Variants in KIRREL3 observed in about 807,000 individuals in gnomAD.
The protein encoded by KIRREL3 is kin of IRRE-like protein 3.
KIRREL3 carries 36 observed loss-of-function variants against 89.7 expected under a neutral mutation model. That is an observed-to-expected ratio of 0.40 (90% CI 0.31 to 0.53). KIRREL3 has a LOEUF of 0.53. KIRREL3 is among the 20% of genes least tolerant of loss of function. The pLI is 0.49. For missense variants in KIRREL3, 864 were observed against 1,056.6 expected, an observed-to-expected ratio of 0.82 and a Z score of 2.53; for synonymous variants, 445 against 441.4, an observed-to-expected ratio of 1.01 and a Z score of -0.10.
chr11:126,921,832 TCTATTATC>T (rs1240410736), intron 1 of KIRREL3, among the ~76,000 whole-genome samples: 2 of 150,388 alleles, frequency 1.3e-5, no homozygotes, highest in Non-Finnish European at 3.0e-5. Flanking sequence ...TGCCTTCCTA[TCTATTATC>T]TATCTATCAT....
In KIRREL3 at chr11:126,535,710, C is replaced by A. The variant is rs1397044418; in HGVS notation, c.134-9023G>T. 6.6e-6 allele frequency among the ~76,000 whole-genome samples: 1 copy of A among 152,198 alleles called. No individual in the cohort carries two copies. Among genetic ancestry groups the A allele is most frequent in the East Asian group, 1.9e-4 (1 of 5,188 alleles). ...CTTAAGATTTTGGTTGAGGGCTGGG[C>A]CCGGTGGCTCACGCCTGTAATCCCA... is the stretch of plus-strand genomic sequence containing the variant. On this transcript the variant is annotated intron_variant, in intron 2 of 16. Coordinates refer to ENST00000525144, the MANE Select transcript of KIRREL3 (RefSeq NM_032531.4). The surrounding 1 kb of genome is among the most constrained non-coding windows in gnomAD (Gnocchi z 4.5).
At position 126,904,152 on chromosome 11, in the gene KIRREL3, G is replaced by A. The variant is rs896210656; in HGVS notation, c.55+96303C>T. On this transcript the variant is annotated intron_variant, in intron 1 of 16. Coordinates refer to ENST00000525144, the MANE Select transcript of KIRREL3 (RefSeq NM_032531.4). The surrounding 1 kb of genome is among the most constrained non-coding windows in gnomAD (Gnocchi z 4.4). ...TAGAAAAAACTGCCTCACTCTAAGA[G>A]AACCATACCCTTTGAAGCCTCTTTT... Among the ~76,000 whole-genome samples, 2 of 152,192 alleles carry A rather than the reference G, an allele frequency of 1.3e-5. No homozygotes were observed. Among genetic ancestry groups the A allele is most frequent in the Non-Finnish European group, 2.9e-5 (2 of 68,044 alleles).
At chr11:126,819,807 G>A (rs1401669094) in intron 1 of KIRREL3, among the ~76,000 whole-genome samples, 1 of 152,208 alleles carries the variant, frequency 6.6e-6, no homozygotes, top group Admixed American at 6.5e-5. Context: ...TTATCTGTAA[G>A]ACAGTGGCTC....
rs917876093 is a variant in KIRREL3, at chr11:126,477,617, T to G, written c.434-4151A>C. 6.6e-6 allele frequency among the ~76,000 whole-genome samples: 1 copy of G among 152,172 alleles called. No homozygotes were observed. The highest frequency in any genetic ancestry group is 2.4e-5 in the African/African-American group (1 of 41,436). On this transcript the variant is annotated intron_variant, in intron 4 of 16. Transcript: ENST00000525144. This position sits in a 1 kb window ranked among gnomAD's most constrained non-coding sequence, Gnocchi z 4.8. ...TCTCTAACCTCTATACTCCCCTTTT[T>G]TTAGAGACAGTTTGCCAGGTTGGCC...
rs1734540966 is a variant in KIRREL3 at position 126,462,172 on chromosome 11, G to A, written c.742+985C>T. On this transcript the variant is annotated intron_variant, in intron 6 of 16. Transcript: ENST00000525144. The surrounding 1 kb of genome is among the most constrained non-coding windows in gnomAD (Gnocchi z 4.8). ...TGGGATGCGATGCTGGTGGAGCCCT[G>A]AAGCATCATAACTGTCAACATGAAT... Among the ~76,000 whole-genome samples the A allele has an allele frequency of 6.6e-6, 1 of 152,136 alleles. No individual in the cohort carries two copies. Among genetic ancestry groups the A allele is most frequent in the African/African-American group, 2.4e-5 (1 of 41,418 alleles).
intron 1 of KIRREL3, among the ~76,000 whole-genome samples, chr11:126,885,343 C>A (rs982585465): frequency 6.6e-6 from 1 of 152,046 alleles, no homozygotes; most frequent in African/African-American, 2.4e-5. Context: ...TTCATGAACA[C>A]CCCAGAGAAA....
chr11:126,615,462 C>T lies in KIRREL3; in HGVS notation c.56-52550G>A, dbSNP rs1269321856. Among the ~76,000 whole-genome samples, 1 of 152,122 alleles carries T rather than the reference C, an allele frequency of 6.6e-6. No individual in the cohort carries two copies. The highest frequency in any genetic ancestry group is 2.4e-5 in the African/African-American group (1 of 41,428). ...GAGCTTTGGGAGGTTAAGGAATGGG[C>T]AAAATCACAGCCAGTAGGTAGCAGA... On this transcript the variant is annotated intron_variant, in intron 1 of 16. Coordinates refer to ENST00000525144, the MANE Select transcript of KIRREL3 (RefSeq NM_032531.4). This position sits in a 1 kb window ranked among gnomAD's most constrained non-coding sequence, Gnocchi z 5.4.
chr11:126,450,618 CGAGCATGTGCATGTGG>C (rs1338046404), intron 7 of KIRREL3, among the ~76,000 whole-genome samples: 3 of 132,418 alleles, frequency 2.3e-5, no homozygotes, highest in African/African-American at 2.9e-5. Context: ...TCGGCGTGTG[CGAGCATGTGCATGTGG>C]GAGCATGTGC....
At chr11:126,784,897 T>C (rs1950438787) in intron 1 of KIRREL3, among the ~76,000 whole-genome samples, 1 of 152,220 alleles carries the variant, frequency 6.6e-6, no homozygotes, top group East Asian at 1.9e-4. Context: ...CCTATGACTG[T>C]CAAGGAGAAA....
intron 7 of KIRREL3, among the ~76,000 whole-genome samples, chr11:126,450,325 A>T (rs1955993035): frequency 7.3e-6 from 1 of 136,410 alleles, no homozygotes; most frequent in Admixed American, 7.2e-5. Context: ...GCACGTGTGC[A>T]TGTGTGAGCG....
chr11:126,588,279 A>G (rs1193753093), intron 1 of KIRREL3, among the ~76,000 whole-genome samples: 3 of 152,192 alleles, frequency 2.0e-5, no homozygotes, highest in Non-Finnish European at 4.4e-5. Flanking sequence ...TTTGATACTC[A>G]GCTTCTCTGA....
rs913441937 is a variant in KIRREL3, at chr11:126,498,196, C to T, written c.433+23119G>A. Among the ~76,000 whole-genome samples the T allele has an allele frequency of 2.0e-5, 3 of 152,130 alleles. No homozygotes were observed. Among genetic ancestry groups the T allele is most frequent in the Non-Finnish European group, 2.9e-5 (2 of 68,016 alleles). On this transcript the variant is annotated intron_variant, in intron 4 of 16. Transcript: ENST00000525144. This position sits in a 1 kb window ranked among gnomAD's most constrained non-coding sequence, Gnocchi z 4.3. ...GGGTGGCCATCAAACCCCTAAAACC[C>T]GAGGAGGGGAAGAGAGGGGTAGCAC...
At chr11:126,706,819 A>T (rs1591993178) in intron 1 of KIRREL3, among the ~76,000 whole-genome samples, 1 of 152,172 alleles carries the variant, frequency 6.6e-6, no homozygotes, top group East Asian at 1.9e-4. Flanking sequence ...TTTTTTCTGT[A>T]TTGAATTTTA....
At position 126,843,432 on chromosome 11, in the gene KIRREL3, T is replaced by C. The variant is rs138422210; in HGVS notation, c.55+157023A>G. On this transcript the variant is annotated intron_variant, in intron 1 of 16. Transcript: ENST00000525144. The surrounding 1 kb of genome is among the most constrained non-coding windows in gnomAD (Gnocchi z 4.6). ...GTGAGCTCACTCACTCTGCCGTATA[T>C]CCTACTGGGGAGAAACTCCATTCCC... is the stretch of plus-strand genomic sequence containing the variant. Among the ~76,000 whole-genome samples, 2 of 152,196 alleles carry C rather than the reference T, an allele frequency of 1.3e-5. No homozygotes were observed. Among genetic ancestry groups the C allele is most frequent in the Admixed American group, 6.5e-5 (1 of 15,296 alleles).
Position 126,497,606 on chromosome 11 carries a change from C to T in KIRREL3, c.433+23709G>A, listed in dbSNP as rs542596983. Reference sequence around the variant, plus strand: ...AGGGAACTCTCTCTGGATGGAGATGCTCAAGCTCAGAGAAGTGAGCAAACT... The same window carrying T: ...AGGGAACTCTCTCTGGATGGAGATGTTCAAGCTCAGAGAAGTGAGCAAACT... On this transcript the variant is annotated intron_variant, in intron 4 of 16. Transcript: ENST00000525144. Among the ~76,000 whole-genome samples, 6 of 152,362 alleles carry T rather than the reference C, an allele frequency of 3.9e-5. No individual in the cohort carries two copies. The South Asian group carries it at 8.3e-4, about 21-fold the overall frequency.
At chr11:126,461,607 G>A (rs572789447) in intron 6 of KIRREL3, among the ~76,000 whole-genome samples, 1 of 152,130 alleles carries the variant, frequency 6.6e-6, no homozygotes, top group African/African-American at 2.4e-5. Context: ...TTTGTGTGTG[G>A]GTATCTTGAG....
chr11:126,531,498 G>T lies in KIRREL3; in HGVS notation c.134-4811C>A, dbSNP rs1958941622. ...CACCCCCGTGCTGGCTAGTCACTAA[G>T]GTCACCTGCCTCGAGTTCTCCTCGA... On this transcript the variant is annotated intron_variant, in intron 2 of 16. Transcript: ENST00000525144. This position sits in a 1 kb window ranked among gnomAD's most constrained non-coding sequence, Gnocchi z 4.7. 6.6e-6 allele frequency among the ~76,000 whole-genome samples: 1 copy of T among 151,770 alleles called. No individual in the cohort carries two copies. Among genetic ancestry groups the T allele is most frequent in the African/African-American group, 2.4e-5 (1 of 41,286 alleles).
chr11:126,949,906 G>T (rs1948729484), intron 1 of KIRREL3, among the ~76,000 whole-genome samples: 1 of 152,182 alleles, frequency 6.6e-6, no homozygotes, highest in Non-Finnish European at 1.5e-5. Context: ...TCTCCACTGT[G>T]TACATTAAAA....
chr11:126,589,392 G>GTCCTCCT (rs1255592825), intron 1 of KIRREL3, among the ~76,000 whole-genome samples: 1 of 152,220 alleles, frequency 6.6e-6, no homozygotes, highest in Non-Finnish European at 1.5e-5. Context: ...TGCTGCTCCT[G>GTCCTCCT]GTCCAGGCAG....
Sources: gnomAD v4.1 joint callset for allele counts (sites outside exome capture counted in the v4.1 genomes callset) on GRCh38, gnomAD v4.1.1 for gene constraint, Gnocchi (gnomAD v3.1) non-coding constraint, MANE v1.5 for transcripts, NCBI Gene and HGNC (gene_info 2026-07-23, HGNC 2026-07-21) for gene names.